Variants in KAZN observed in about 807,000 individuals in gnomAD.
KAZN encodes the protein kazrin.
A neutral mutation model predicts 87.4 loss-of-function variants in KAZN; 40 were observed. That is an observed-to-expected ratio of 0.46 (90% CI 0.36 to 0.60). KAZN has a LOEUF of 0.60. Ranked by LOEUF, KAZN falls within the 20% of genes least tolerant of loss-of-function variation. The pLI is 0.00. For synonymous variants in KAZN, 466 were observed against 458.3 expected, an observed-to-expected ratio of 1.02 and a Z score of -0.22; for missense variants, 898 against 1,073.9, an observed-to-expected ratio of 0.84 and a Z score of 2.29.
Position 13,981,089 on chromosome 1 carries a change from T to TA in KAZN, c.91+87333_91+87334insA, listed in dbSNP as rs1553181094. ...TTGGAGAGGTATAAAAAATTACTCT[T>TA]TATATATATATATATATATATGTAT... On this transcript the variant is annotated intron_variant, in intron 1 of 16. Coordinates refer to the KAZN transcript ENST00000636203. 1.1e-4 allele frequency among the ~76,000 whole-genome samples: 7 copies of TA among 63,136 alleles called. 1 individual carries two copies. The highest frequency in any genetic ancestry group is 1.7e-4 in the African/African-American group (3 of 17,232). 41.4% of individuals were successfully genotyped at this position (63,136 alleles called of 152,430 possible). A position where few individuals can be genotyped will look rare whatever the true frequency, so the allele number is the denominator to read the frequency against.
chr1:14,908,242 T>A (rs1194774563), intron 1 of KAZN, among the ~76,000 whole-genome samples: 3 of 148,998 alleles, frequency 2.0e-5, no homozygotes, highest in African/African-American at 7.5e-5. Context: ...GTACAAAAAA[T>A]AAAAATAAGA....
chr1:14,839,464 C>T (rs140788736), intron 1 of KAZN, among the ~76,000 whole-genome samples: 1 of 152,230 alleles, frequency 6.6e-6, no homozygotes, highest in East Asian at 1.9e-4. Context: ...ATGAAGCGCA[C>T]CCAGAAAAAT....
chr1:14,260,785 C>T (rs1168086278), intron 2 of KAZN, among the ~76,000 whole-genome samples: 1 of 152,198 alleles, frequency 6.6e-6, no homozygotes, highest in African/African-American at 2.4e-5. Flanking sequence ...TCACCACACA[C>T]TTGTCAGATG....
chr1:14,475,530 A>G (rs1030266422), intron 2 of KAZN, among the ~76,000 whole-genome samples: 2 of 152,228 alleles, frequency 1.3e-5, no homozygotes, highest in Non-Finnish European at 2.9e-5. Flanking sequence ...TACACTGCTC[A>G]GACTCAGAGA....
In KAZN at chr1:14,883,347, A is replaced by AG. The variant is rs1557586240; in HGVS notation, c.227-77337_227-77336insG. On this transcript the variant is annotated intron_variant, in intron 1 of 14. Coordinates refer to ENST00000376030, the MANE Select transcript of KAZN (RefSeq NM_201628.3). Reference sequence around the variant, plus strand: ...GAGAGAGAGAGAGAGAGAGAGAAAGAAAGAAAGAAAAGAAAGAAAGAAAGA... The same window carrying AG: ...GAGAGAGAGAGAGAGAGAGAGAAAGAGAAGAAAGAAAAGAAAGAAAGAAAGA... Among the ~76,000 whole-genome samples the AG allele has an allele frequency of 4.5e-4, 15 of 33,100 alleles. 1 individual carries two copies. The highest frequency in any genetic ancestry group is 7.2e-4 in the African/African-American group (8 of 11,104). The allele number at this position is 33,100 out of a possible 152,430, so 21.7% of individuals were successfully genotyped here. A position where few individuals can be genotyped will look rare whatever the true frequency, so the allele number is the denominator to read the frequency against.
chr1:15,111,276 T>TGTTGTA (rs1641609379), intron 13 of KAZN, among the ~76,000 whole-genome samples: 1 of 149,576 alleles, frequency 6.7e-6, no homozygotes, highest in African/African-American at 2.4e-5. Flanking sequence ...TGTTGTTTGT[T>TGTTGTA]GTTGTTGTTG....
At chr1:14,331,166 A>C (rs1274618062) in intron 2 of KAZN, among the ~76,000 whole-genome samples, 1 of 152,070 alleles carries the variant, frequency 6.6e-6, no homozygotes, top group Non-Finnish European at 1.5e-5. Flanking sequence ...CTGCTGTGGA[A>C]GTGGTGGTTT....
intron 2 of KAZN, among the ~76,000 whole-genome samples, chr1:14,205,884 C>CAAAAAAAAA (rs70997121): frequency 0.015 from 542 of 35,162 alleles, 167 homozygotes; most frequent in African/African-American, 0.025. Context: ...GACACTGTCT[C>CAAAAAAAAA]AAAAAAAAAA....
At chr1:14,663,851 A>G (rs1404146656) in intron 1 of KAZN, among the ~76,000 whole-genome samples, 1 of 152,228 alleles carries the variant, frequency 6.6e-6, no homozygotes. Flanking sequence ...CAGGGTCTTG[A>G]AAAGATATTT....
intron 2 of KAZN, among the ~76,000 whole-genome samples, chr1:14,995,012 T>C (rs960927500): frequency 1.3e-5 from 2 of 152,214 alleles, no homozygotes; most frequent in Non-Finnish European, 2.9e-5. Flanking sequence ...AGTTCTTGAC[T>C]GGCAGGAGGA....
intron 1 of KAZN, among the ~76,000 whole-genome samples, chr1:14,057,276 A>C (rs2101496527): frequency 6.6e-6 from 1 of 152,022 alleles, no homozygotes; most frequent in African/African-American, 2.4e-5. Context: ...CTGGGATTAC[A>C]GGTGCTTACC....
At chr1:14,626,873 A>C (rs1343437469) in intron 1 of KAZN, among the ~76,000 whole-genome samples, 1 of 152,136 alleles carries the variant, frequency 6.6e-6, no homozygotes, top group Non-Finnish European at 1.5e-5. Flanking sequence ...TCATGCAAAA[A>C]AACATTCCAC....
At position 15,066,964 on chromosome 1, in the gene KAZN, G is replaced by T; in HGVS notation, c.1222+1211G>T. The T allele has an allele frequency of 3.0e-6, 3 of 985,502 alleles. No homozygotes were observed. Among genetic ancestry groups the T allele is most frequent in the Non-Finnish European group, 3.6e-6 (3 of 830,000 alleles). 61.0% of individuals were successfully genotyped at this position (985,502 alleles called of 1,614,324 possible). On this transcript the variant is annotated intron_variant, in intron 8 of 14. Transcript: ENST00000376030. This position sits in a 1 kb window ranked among gnomAD's most constrained non-coding sequence, Gnocchi z 4.3. ...AGTGAGCAGAGTGCTGACAGTCATG[G>T]TCCCCTTCTTTGGGTCTGTCTTTTG...
rs557112698 is a variant in KAZN at position 14,041,206 on chromosome 1, T to G, written c.92-139229T>G. On this transcript the variant is annotated intron_variant, in intron 1 of 16. Coordinates refer to the KAZN transcript ENST00000636203. ...CTGTTGCTTTCATATTATACCTAGG[T>G]GAGGACTTCTGACTTTCTTACACCC... Among the ~76,000 whole-genome samples the G allele has an allele frequency of 3.9e-5, 6 of 152,334 alleles. No homozygotes were observed. The East Asian group carries it at 1.2e-3, about 29-fold the overall frequency.
chr1:15,064,333 C>G (rs1270082413), intron 7 of KAZN, among the ~76,000 whole-genome samples: 1 of 152,088 alleles, frequency 6.6e-6, no homozygotes, highest in Non-Finnish European at 1.5e-5. Flanking sequence ...GGGCCATTTG[C>G]CCTAGAGATT....
At chr1:14,258,867 C>T (rs1375779876) in intron 2 of KAZN, among the ~76,000 whole-genome samples, 1 of 152,136 alleles carries the variant, frequency 6.6e-6, no homozygotes, top group Non-Finnish European at 1.5e-5. Flanking sequence ...AGAAGCTCAC[C>T]TTGCTGTCTC....
chr1:14,876,352 G>T (rs1361780950), intron 1 of KAZN, among the ~76,000 whole-genome samples: 1 of 152,214 alleles, frequency 6.6e-6, no homozygotes, highest in South Asian at 2.1e-4. Flanking sequence ...GCTGCTGTGG[G>T]CTCATTATTA....
chr1:14,077,906 C>T (rs1643523525), intron 1 of KAZN, among the ~76,000 whole-genome samples: 1 of 152,076 alleles, frequency 6.6e-6, no homozygotes, highest in Admixed American at 6.5e-5. Flanking sequence ...CCAAGAGTTG[C>T]CGGCAGCCGC....
At chr1:14,635,324 T>G (rs1273195218) in intron 1 of KAZN, among the ~76,000 whole-genome samples, 1 of 152,214 alleles carries the variant, frequency 6.6e-6, no homozygotes, top group Non-Finnish European at 1.5e-5. Flanking sequence ...TAGGGGCTTA[T>G]GAACATCCCT....
Sources: gnomAD v4.1 joint callset for allele counts (sites outside exome capture counted in the v4.1 genomes callset) on GRCh38, gnomAD v4.1.1 for gene constraint, Gnocchi (gnomAD v3.1) non-coding constraint, MANE v1.5 for transcripts, NCBI Gene and HGNC (gene_info 2026-07-23, HGNC 2026-07-21) for gene names.